The following KSR2 variants were observed in gnomAD, a reference collection of about 807,000 sequenced individuals.
The protein encoded by KSR2 is kinase suppressor of ras 2.
In KSR2, 25 loss-of-function variants were observed where a neutral mutation model predicts 107.8. That is an observed-to-expected ratio of 0.23 (90% CI 0.17 to 0.32). The LOEUF is 0.32. KSR2 is among the 10% of genes least tolerant of loss of function. The pLI, the probability that KSR2 is intolerant of heterozygous loss-of-function variation, is 1.00. For missense variants in KSR2, 887 were observed against 1,268.9 expected (o/e 0.70, Z 4.57); for synonymous variants, 480 against 507.0 (o/e 0.95, Z 0.71).
intron 5 of KSR2, among the ~76,000 whole-genome samples, chr12:117,646,351 C>T (rs577935565): frequency 9.2e-4 from 140 of 152,288 alleles, no homozygotes; most frequent in African/African-American, 3.3e-3. Context: ...CCATAACATG[C>T]AGTATCAGCT....
At chr12:117,777,030 A>C (rs1422456471) in intron 3 of KSR2, among the ~76,000 whole-genome samples, 2 of 149,578 alleles carry the variant, frequency 1.3e-5, no homozygotes, top group Admixed American at 6.7e-5. Flanking sequence ...ACTCATCCAC[A>C]CATAACCCTG....
At chr12:117,892,591 C>T (rs189822891) in intron 1 of KSR2, among the ~76,000 whole-genome samples, 1 of 152,100 alleles carries the variant, frequency 6.6e-6, no homozygotes, top group African/African-American at 2.4e-5. Flanking sequence ...CCAAATCTGG[C>T]CCTCAGCCTA....
At chr12:117,597,910 C>T (rs1270472552) in intron 5 of KSR2, among the ~76,000 whole-genome samples, 2 of 152,214 alleles carry the variant, frequency 1.3e-5, no homozygotes, top group African/African-American at 4.8e-5. Context: ...GGGTTCAGGA[C>T]TATCTCCTAT....
At chr12:117,623,247 T>TA (rs1285302359) in intron 5 of KSR2, among the ~76,000 whole-genome samples, 1 of 152,260 alleles carries the variant, frequency 6.6e-6, no homozygotes, top group Non-Finnish European at 1.5e-5. Flanking sequence ...TTTTAATTAT[T>TA]ATACTTTAAG....
chr12:117,838,145 C>T (rs1892313576), intron 3 of KSR2, among the ~76,000 whole-genome samples: 1 of 152,240 alleles, frequency 6.6e-6, no homozygotes, highest in Admixed American at 6.5e-5. Flanking sequence ...CCCCAAAAGT[C>T]AGCACAATGG....
intron 5 of KSR2, among the ~76,000 whole-genome samples, chr12:117,622,955 T>C (rs1325515110): frequency 6.6e-6 from 1 of 152,194 alleles, no homozygotes; most frequent in Non-Finnish European, 1.5e-5. Context: ...GAGGTAGGCA[T>C]GCACTCCAAT....
intron 1 of KSR2, among the ~76,000 whole-genome samples, chr12:117,950,579 C>A (rs1748414966): frequency 6.6e-6 from 1 of 151,072 alleles, no homozygotes; most frequent in African/African-American, 2.4e-5. Flanking sequence ...ACAAAACATA[C>A]AAGCAAAAAA....
intron 1 of KSR2, among the ~76,000 whole-genome samples, chr12:117,875,333 A>ATTTTTTTT (rs56091034): frequency 2.2e-4 from 31 of 138,018 alleles, no homozygotes; most frequent in Admixed American, 1.9e-3. Flanking sequence ...CTTAGGTGCT[A>ATTTTTTTT]TTTTTTTTTT....
intron 5 of KSR2, among the ~76,000 whole-genome samples, chr12:117,609,286 G>A (rs911393186): frequency 6.6e-6 from 1 of 152,138 alleles, no homozygotes; most frequent in Non-Finnish European, 1.5e-5. Flanking sequence ...CAGGGTTGAC[G>A]TGAAATGAAA....
intron 1 of KSR2, among the ~76,000 whole-genome samples, chr12:117,896,493 A>G (rs4767640): frequency 7.0e-6 from 1 of 142,428 alleles, no homozygotes; most frequent in African/African-American, 2.6e-5. Flanking sequence ...GAGTTTTGCT[A>G]TTGTTGCCCA....
At chr12:117,656,451 C>T (rs866124293) in intron 5 of KSR2, among the ~76,000 whole-genome samples, 30 of 152,206 alleles carry the variant, frequency 2.0e-4, no homozygotes, top group African/African-American at 6.7e-4. Context: ...TAAACCTCTA[C>T]TAAAAATACA....
At chr12:117,655,162 A>G (rs1418233287) in intron 5 of KSR2, among the ~76,000 whole-genome samples, 1 of 152,192 alleles carries the variant, frequency 6.6e-6, no homozygotes, top group Non-Finnish European at 1.5e-5. Flanking sequence ...TACTCCAGAT[A>G]TGGGTTTGCC....
chr12:117,498,034 T>C (rs1374943812), intron 14 of KSR2, among the ~76,000 whole-genome samples: 1 of 152,102 alleles, frequency 6.6e-6, no homozygotes, highest in East Asian at 1.9e-4. Flanking sequence ...TCTCCCCTAG[T>C]AGGAGAGACA....
At chr12:117,471,148 G>A in intron 18 of KSR2, 43 bp downstream of exon 18, 2 of 1,607,758 alleles carry the variant, frequency 1.2e-6, no homozygotes, top group South Asian at 2.2e-5. Context: ...CTGTGTCTGT[G>A]TCTCCCCTCA....
At chr12:117,602,279 A>G (rs1206642696) in intron 5 of KSR2, among the ~76,000 whole-genome samples, 1 of 152,196 alleles carries the variant, frequency 6.6e-6, no homozygotes, top group Non-Finnish European at 1.5e-5. Flanking sequence ...GTGTGATTCC[A>G]TTGCCTTTAA....
At chr12:117,711,866 G>T (rs962926067) in intron 4 of KSR2, among the ~76,000 whole-genome samples, 12 of 152,214 alleles carry the variant, frequency 7.9e-5, no homozygotes, top group Non-Finnish European at 1.6e-4. Context: ...TGGTTGGGTT[G>T]TGCCATGAAG....
At chr12:117,643,236 C>T (rs769232538) in intron 5 of KSR2, among the ~76,000 whole-genome samples, 27 of 152,072 alleles carry the variant, frequency 1.8e-4, no homozygotes, top group Non-Finnish European at 2.2e-4. Context: ...AGGCCGGAAG[C>T]GCAAGACCAG....
intron 14 of KSR2, among the ~76,000 whole-genome samples, chr12:117,513,364 G>T (rs924544814): frequency 6.6e-6 from 1 of 152,152 alleles, no homozygotes. Flanking sequence ...CAGGCAGGGG[G>T]CAAGGCCAAA....
rs146598828 is a variant in KSR2, at chr12:117,696,132, T to A, written c.987-28474A>T. 1.6e-3 allele frequency among the ~76,000 whole-genome samples: 249 copies of A among 152,202 alleles called. 1 individual carries two copies. Among genetic ancestry groups the A allele is most frequent in the African/African-American group, 5.7e-3 (237 of 41,522 alleles). On this transcript the variant is annotated intron_variant, in intron 4 of 19. Transcript: ENST00000339824. Reference sequence around the variant, plus strand: ...AAGTACCAAAAGTAAATGCCAAGTTTATGACCATTAGCAAAGGAACCATAA... The same window carrying A: ...AAGTACCAAAAGTAAATGCCAAGTTAATGACCATTAGCAAAGGAACCATAA...
Sources: gnomAD v4.1 joint callset for allele counts (sites outside exome capture counted in the v4.1 genomes callset) on GRCh38, gnomAD v4.1.1 for gene constraint, MANE v1.5 for transcripts, NCBI Gene and HGNC (gene_info 2026-07-23, HGNC 2026-07-21) for gene names.